Variants in KIAA1217 observed in about 807,000 individuals in gnomAD.
KIAA1217 encodes sickle tail protein homolog.
Under a neutral mutation model 163.9 loss-of-function variants are expected in KIAA1217, and 88 were observed. That is an observed-to-expected ratio of 0.54 (90% CI 0.45 to 0.64). The LOEUF is 0.64. Ranked by LOEUF, KIAA1217 falls within the 30% of genes least tolerant of loss-of-function variation. The pLI is 0.00. For synonymous variants in KIAA1217, 903 were observed against 923.1 expected, an observed-to-expected ratio of 0.98 and a Z score of 0.39; for missense variants, 2,372 against 2,475.0, an observed-to-expected ratio of 0.96 and a Z score of 0.88.
chr10:23,989,836 C>T (rs2131434414), intron 1 of KIAA1217, among the ~76,000 whole-genome samples: 1 of 152,254 alleles, frequency 6.6e-6, no homozygotes. Flanking sequence ...TTATGGGAGG[C>T]TAATTCTACT....
rs532459620 is a variant in KIAA1217, at chr10:23,791,327, A to C, written c.-321+96093A>C. The stretch of plus-strand genomic sequence containing the variant: ...ATACCTCACCCAACCTCAACAATTA[A>C]CAATATATGGCCAGTCTTATTTCAT... On this transcript the variant is annotated intron_variant, in intron 1 of 18. Transcript: ENST00000376462. Among the ~76,000 whole-genome samples the C allele has an allele frequency of 2.0e-5, 3 of 152,306 alleles. No homozygotes were observed. In the East Asian group the frequency reaches 5.8e-4, roughly 29 times the overall value.
At chr10:23,781,633 A>G (rs1835263078) in intron 1 of KIAA1217, among the ~76,000 whole-genome samples, 1 of 152,202 alleles carries the variant, frequency 6.6e-6, no homozygotes, top group Admixed American at 6.5e-5. Context: ...CATATCCAAA[A>G]CAATAATTAC....
intron 1 of KIAA1217, among the ~76,000 whole-genome samples, chr10:23,874,914 G>A (rs548656197): frequency 3.6e-4 from 55 of 152,158 alleles, no homozygotes; most frequent in Non-Finnish European, 5.3e-4. Context: ...GTGCAAGCAT[G>A]GTGCCAGTAT....
intron 2 of KIAA1217, among the ~76,000 whole-genome samples, chr10:24,033,959 C>A (rs1296504229): frequency 6.6e-6 from 1 of 152,160 alleles, no homozygotes; most frequent in Non-Finnish European, 1.5e-5. Context: ...TGCTATAGAA[C>A]ATTCTGCTAG....
intron 6 of KIAA1217, among the ~76,000 whole-genome samples, chr10:24,476,537 A>G (rs1353420666): frequency 6.6e-6 from 1 of 152,224 alleles, no homozygotes; most frequent in Admixed American, 6.5e-5. Context: ...GATTAACAAT[A>G]TAAGAAAAAC....
At chr10:24,339,635 C>G (rs931566054) in intron 2 of KIAA1217, among the ~76,000 whole-genome samples, 2 of 152,182 alleles carry the variant, frequency 1.3e-5, no homozygotes, top group African/African-American at 4.8e-5. Flanking sequence ...TCACAACTCT[C>G]TATTAGGTAT....
chr10:24,443,266 G>A (rs1334394392), intron 5 of KIAA1217, among the ~76,000 whole-genome samples: 1 of 152,092 alleles, frequency 6.6e-6, no homozygotes, highest in East Asian at 1.9e-4. Flanking sequence ...AAGCCCCCCT[G>A]TTTACAGATG....
chr10:24,472,449 A>G (rs917970256), intron 5 of KIAA1217, among the ~76,000 whole-genome samples: 1 of 152,148 alleles, frequency 6.6e-6, no homozygotes, highest in South Asian at 2.1e-4. Flanking sequence ...GATTGTATCC[A>G]CTTTGAAAGA....
At chr10:24,382,839 C>CTTTTTTTTTTT (rs1251130955) in intron 3 of KIAA1217, among the ~76,000 whole-genome samples, 2 of 112,328 alleles carry the variant, frequency 1.8e-5, no homozygotes, top group Non-Finnish European at 4.0e-5. Context: ...TGTGGTTTTT[C>CTTTTTTTTTTT]TTTTCTTTTT....
At chr10:23,977,882 GTAGTTAC>G (rs1845604390) in intron 1 of KIAA1217, among the ~76,000 whole-genome samples, 1 of 152,182 alleles carries the variant, frequency 6.6e-6, no homozygotes. Flanking sequence ...AGCTTCAGGA[GTAGTTAC>G]TACCTTTGGG....
chr10:24,502,685 A>G (rs997916743), intron 9 of KIAA1217, among the ~76,000 whole-genome samples: 1 of 152,226 alleles, frequency 6.6e-6, no homozygotes, highest in African/African-American at 2.4e-5. Flanking sequence ...CCAGAAGCTC[A>G]TAATCCAAAT....
At chr10:24,216,527 C>CT (rs2068838871) in intron 1 of KIAA1217, among the ~76,000 whole-genome samples, 1 of 152,004 alleles carries the variant, frequency 6.6e-6, no homozygotes, top group Non-Finnish European at 1.5e-5. Flanking sequence ...TCCAATTCCA[C>CT]TTAAAAGTCA....
At chr10:24,115,255 A>C (rs1269191225) in intron 2 of KIAA1217, among the ~76,000 whole-genome samples, 1 of 152,252 alleles carries the variant, frequency 6.6e-6, no homozygotes, top group Non-Finnish European at 1.5e-5. Context: ...AGGAGCTGTT[A>C]CTGACAGATT....
chr10:23,866,830 CTTTTTTCTTTTTCT>C (rs1201897756), intron 1 of KIAA1217, among the ~76,000 whole-genome samples: 1 of 151,946 alleles, frequency 6.6e-6, no homozygotes, highest in African/African-American at 2.4e-5. Flanking sequence ...GGACAATTTT[CTTTTTTCTTTTTCT>C]TTTTTTCTTT....
At chr10:23,946,266 T>C (rs1157589344) in intron 1 of KIAA1217, among the ~76,000 whole-genome samples, 1 of 68,378 alleles carries the variant, frequency 1.5e-5, no homozygotes, top group Non-Finnish European at 2.6e-5. Context: ...TCTCTTCCGT[T>C]TAAAAAAAAA....
chr10:24,473,981 G>A lies in KIAA1217; in HGVS notation c.1600G>A (p.Val534Ile), dbSNP rs777812652. 5.6e-6 allele frequency: 9 copies of A among 1,614,104 alleles called. No individual in the cohort carries two copies. Among genetic ancestry groups the A allele is most frequent in the Non-Finnish European group, 7.6e-6 (9 of 1,179,998 alleles). The change falls in exon 6 of 21, where the codon GTA (valine) becomes ATA (isoleucine). Residue 534 changes from valine (V) to isoleucine (I), a missense_variant. By Grantham distance (29) the Val-to-Ile change is conservative (BLOSUM62 3). Transcript: ENST00000376454. ...GAGCGCTGCAGGATTATCCAGCCTT[G>A]TAGACCTCGGCCCTCCTCTAATGGA... is the stretch of plus-strand genomic sequence containing the variant. ...PRSAAGLSSL[V>I]DLGPPLMEKQ...
chr10:23,792,423 G>A (rs1009131642), intron 1 of KIAA1217, among the ~76,000 whole-genome samples: 3 of 151,882 alleles, frequency 2.0e-5, no homozygotes, highest in African/African-American at 7.3e-5. Flanking sequence ...TTTTTGAATG[G>A]ACCTAACTTG....
At chr10:23,806,407 A>T (rs1836745180) in intron 1 of KIAA1217, among the ~76,000 whole-genome samples, 1 of 152,232 alleles carries the variant, frequency 6.6e-6, no homozygotes, top group South Asian at 2.1e-4. Flanking sequence ...AGATAATGGC[A>T]TAAAACTAGA....
chr10:24,227,668 G>A (rs1190323882), intron 2 of KIAA1217, among the ~76,000 whole-genome samples: 1 of 151,986 alleles, frequency 6.6e-6, no homozygotes, highest in Non-Finnish European at 1.5e-5. Flanking sequence ...AAGTAGCTGG[G>A]ACTACAGGCG....
Sources: gnomAD v4.1 joint callset for allele counts (sites outside exome capture counted in the v4.1 genomes callset) on GRCh38, gnomAD v4.1.1 for gene constraint, MANE v1.5 for transcripts, NCBI Gene and HGNC (gene_info 2026-07-23, HGNC 2026-07-21) for gene names.